Variants in ARHGAP12 observed in about 807,000 individuals in gnomAD.
ARHGAP12 encodes rho GTPase-activating protein 12.
A neutral mutation model predicts 108.6 loss-of-function variants in ARHGAP12; 64 were observed. The ratio of observed to expected loss-of-function variants is 0.59; its 90% confidence interval spans 0.48 to 0.73. ARHGAP12 has a LOEUF of 0.73. Ranked by LOEUF, ARHGAP12 falls within the 30% of genes least tolerant of loss-of-function variation. The pLI is 0.00. For synonymous variants in ARHGAP12, 312 were observed against 337.2 expected, an observed-to-expected ratio of 0.93 and a Z score of 0.82; for missense variants, 940 against 1,005.9, an observed-to-expected ratio of 0.93 and a Z score of 0.89.
chr10:31,851,799 T>C (rs1836691263), intron 6 of ARHGAP12, among the ~76,000 whole-genome samples: 1 of 152,182 alleles, frequency 6.6e-6, no homozygotes, highest in African/African-American at 2.4e-5. Flanking sequence ...TTGACTTACT[T>C]TGGGGAAAAG....
chr10:31,808,519 T>C, intron 19 of ARHGAP12, 130 bp downstream of exon 19: 1 of 746,248 alleles, frequency 1.3e-6, no homozygotes, highest in Non-Finnish European at 2.3e-6. Flanking sequence ...GTTGAGTAAC[T>C]TTTTCAAGTT....
Position 31,923,491 on chromosome 10 carries a change from A to G in ARHGAP12, c.-111+5192T>C, listed in dbSNP as rs1839904808. 2.0e-5 allele frequency among the ~76,000 whole-genome samples: 3 copies of G among 152,252 alleles called. No homozygotes were observed. The South Asian group carries it at 6.2e-4, about 32-fold the overall frequency. On this transcript the variant is annotated intron_variant, in intron 1 of 19. Transcript: ENST00000344936. ...CCAACAAAAATTAAAGCATATGTAGACACAAAGACAGTAGTTTCATCTGTA... is the reference window on the plus strand; with the variant it reads ...CCAACAAAAATTAAAGCATATGTAGGCACAAAGACAGTAGTTTCATCTGTA...
intron 3 of ARHGAP12, among the ~76,000 whole-genome samples, chr10:31,886,512 C>A (rs1838196281): frequency 1.3e-5 from 2 of 151,982 alleles, no homozygotes; most frequent in African/African-American, 2.4e-5. Context: ...GTATCAGAAT[C>A]CAAGTACAGA....
At chr10:31,829,932 A>G (rs1208225599) in intron 10 of ARHGAP12, among the ~76,000 whole-genome samples, 1 of 152,184 alleles carries the variant, frequency 6.6e-6, no homozygotes, top group East Asian at 1.9e-4. Flanking sequence ...TACTTCAAAC[A>G]AAATAATATG....
intron 9 of ARHGAP12, among the ~76,000 whole-genome samples, chr10:31,835,203 A>C (rs1027510084): frequency 7.7e-6 from 1 of 129,500 alleles, no homozygotes; most frequent in Non-Finnish European, 1.7e-5. Flanking sequence ...GTCTCAAAAG[A>C]AAAAAAAAAA....
intron 1 of ARHGAP12, among the ~76,000 whole-genome samples, chr10:31,921,892 T>TA (rs1839830776): frequency 6.6e-6 from 1 of 151,444 alleles, no homozygotes. Context: ...CCTGGTTCTT[T>TA]AAGAGCAGTA....
intron 7 of ARHGAP12, among the ~76,000 whole-genome samples, chr10:31,840,501 T>C (rs1836220256): frequency 6.6e-6 from 1 of 152,128 alleles, no homozygotes; most frequent in African/African-American, 2.4e-5. Context: ...ATTTTCTCCA[T>C]TTCCTTAGAT....
At chr10:31,892,500 CAAA>C (rs1385315687) in intron 3 of ARHGAP12, among the ~76,000 whole-genome samples, 1 of 152,138 alleles carries the variant, frequency 6.6e-6, no homozygotes, top group Non-Finnish European at 1.5e-5. Context: ...TCAAAAGAGA[CAAA>C]GAAGGCAATT....
At chr10:31,877,419 C>T (rs1837772738) in intron 3 of ARHGAP12, among the ~76,000 whole-genome samples, 1 of 152,198 alleles carries the variant, frequency 6.6e-6, no homozygotes, top group South Asian at 2.1e-4. Flanking sequence ...GGAAGACTGA[C>T]ATTTATCAAT....
chr10:31,909,639 T>C (rs1839269898), intron 2 of ARHGAP12, among the ~76,000 whole-genome samples: 1 of 152,222 alleles, frequency 6.6e-6, no homozygotes, highest in Admixed American at 6.5e-5. Flanking sequence ...CTTACACCTA[T>C]ATTCCCAACA....
At chr10:31,842,126 CG>C (rs1438994102) in intron 7 of ARHGAP12, among the ~76,000 whole-genome samples, 1 of 150,542 alleles carries the variant, frequency 6.6e-6, no homozygotes. Flanking sequence ...TTTATGATGT[CG>C]AAAAAAAGAA....
At chr10:31,812,866 GT>G (rs763544232) in intron 14 of ARHGAP12, 43 bp from the exon 15 acceptor site, 7 of 1,187,776 alleles carry the variant, frequency 5.9e-6, no homozygotes, top group African/African-American at 3.1e-5. Context: ...TAAAAATAAA[GT>G]TTTTTTGATA....
At chr10:31,815,034 C>T (rs890605561) in intron 13 of ARHGAP12, among the ~76,000 whole-genome samples, 1 of 149,966 alleles carries the variant, frequency 6.7e-6, no homozygotes, top group African/African-American at 2.5e-5. Context: ...GCAGGAGAAT[C>T]GGCGTGAACC....
chr10:31,860,545 A>G (rs561620455), intron 4 of ARHGAP12, among the ~76,000 whole-genome samples: 4 of 152,250 alleles, frequency 2.6e-5, no homozygotes, highest in Non-Finnish European at 5.9e-5. Context: ...AAAAGAGTAC[A>G]GACACTTGTT....
At chr10:31,919,512 G>A (rs747850982) in intron 1 of ARHGAP12, among the ~76,000 whole-genome samples, 10 of 152,198 alleles carry the variant, frequency 6.6e-5, no homozygotes, top group Non-Finnish European at 1.5e-4. Context: ...TAGATATAGG[G>A]CCAGGCGCGG....
intron 3 of ARHGAP12, among the ~76,000 whole-genome samples, chr10:31,880,853 A>AG (rs1317942505): frequency 3.8e-4 from 57 of 151,432 alleles, no homozygotes; most frequent in Non-Finnish European, 4.4e-5. Flanking sequence ...GAGCTCTGGG[A>AG]GTTCAAGGCC....
intron 3 of ARHGAP12, among the ~76,000 whole-genome samples, chr10:31,901,534 C>CAAAAAAAAA (rs61402251): frequency 1.6e-5 from 1 of 64,256 alleles, no homozygotes; most frequent in African/African-American, 5.9e-5. Flanking sequence ...AACCTGGTCT[C>CAAAAAAAAA]AAAAAAAAAA....
chr10:31,902,730 T>C (rs1838980738), intron 3 of ARHGAP12, among the ~76,000 whole-genome samples: 1 of 151,968 alleles, frequency 6.6e-6, no homozygotes, highest in East Asian at 1.9e-4. Context: ...TGTGAAACTA[T>C]AAACTTAAAA....
intron 7 of ARHGAP12, 87 bp from the exon 8 acceptor site, chr10:31,839,798 G>C (rs1836190626): frequency 2.9e-6 from 3 of 1,043,746 alleles, no homozygotes; most frequent in Non-Finnish European, 4.0e-6. Flanking sequence ...CTTAGTAAGA[G>C]AGAATAACAA....
Sources: gnomAD v4.1 joint callset for allele counts (sites outside exome capture counted in the v4.1 genomes callset) on GRCh38, gnomAD v4.1.1 for gene constraint, MANE v1.5 for transcripts, NCBI Gene and HGNC (gene_info 2026-07-23, HGNC 2026-07-21) for gene names.